Variants in FCRL2 observed in about 807,000 individuals in gnomAD.
The protein encoded by FCRL2 is Fc receptor like 2.
Under a neutral mutation model 59.8 loss-of-function variants are expected in FCRL2, and 48 were observed. That is an observed-to-expected ratio of 0.80 (90% confidence interval 0.64 to 1.02). FCRL2 has a LOEUF of 1.02. FCRL2 is among the 50% of genes least tolerant of loss of function. FCRL2 has a pLI of 0.00. For synonymous variants in FCRL2, 251 were observed against 229.5 expected (o/e 1.09, Z -0.85); for missense variants, 658 against 597.3 (o/e 1.10, Z -1.06).
intron 2 of FCRL2, 72 bp from the exon 3 acceptor site, chr1:157,770,738 G>A (rs868384805): frequency 6.5e-7 from 1 of 1,536,868 alleles, no homozygotes; most frequent in Middle Eastern, 1.7e-4. Context: ...TGGCAGTGAG[G>A]TGGTCTCAGG....
intron 5 of FCRL2, chr1:157,767,934 T>C (rs1365460489): frequency 6.5e-6 from 2 of 305,496 alleles, no homozygotes; most frequent in East Asian, 1.2e-4. Flanking sequence ...ACTATAGGAC[T>C]GGGTTAGAAT....
intron 7 of FCRL2, among the ~76,000 whole-genome samples, chr1:157,751,717 G>A (rs1016399489): frequency 2.0e-5 from 3 of 152,192 alleles, no homozygotes; most frequent in African/African-American, 7.2e-5. Context: ...CAAAATAAGG[G>A]TGGAGGGGAA....
At chr1:157,747,748 C>T (rs975979554) in intron 10 of FCRL2, among the ~76,000 whole-genome samples, 1 of 152,220 alleles carries the variant, frequency 6.6e-6, no homozygotes, top group Non-Finnish European at 1.5e-5. Flanking sequence ...CACTCCTCTG[C>T]ACTGCTGCAG....
rs377455239 is a variant in FCRL2, at chr1:157,770,632, G to T, written c.87C>A (p.Phe29Leu). Residue 29 changes from phenylalanine to leucine, a missense_variant, in exon 3 of 12, where the codon TTC (phenylalanine) becomes TTA (leucine). Transcript: ENST00000361516. ...SLTLVAPSSV[F>L]EGDSIVLKCQ... ...ATTTCAGAACGATGCTGTCTCCTTC[G>T]AAGACAGAAGAGGGCGCCACAAGGG... 150 of 1,614,098 alleles carry T rather than the reference G, an allele frequency of 9.3e-5. 1 individual carries two copies. Among genetic ancestry groups the T allele is most frequent in the Non-Finnish European group, 1.2e-4 (139 of 1,180,014 alleles).
At chr1:157,747,593 T>C (rs1456667239) in intron 10 of FCRL2, among the ~76,000 whole-genome samples, 1 of 152,184 alleles carries the variant, frequency 6.6e-6, no homozygotes, top group African/African-American at 2.4e-5. Context: ...AGTAGCTAGA[T>C]GACCACTGAC....
At chr1:157,755,381 G>A (rs1272704343) in intron 7 of FCRL2, among the ~76,000 whole-genome samples, 1 of 152,078 alleles carries the variant, frequency 6.6e-6, no homozygotes, top group Admixed American at 6.6e-5. Context: ...TTGTGTGGCT[G>A]GTGTGTTATA....
intron 4 of FCRL2, 124 bp downstream of exon 4, chr1:157,769,742 T>C (rs1163003329): frequency 8.5e-6 from 11 of 1,293,876 alleles, no homozygotes; most frequent in Non-Finnish European, 1.2e-5. Context: ...CTGGAGGGTT[T>C]TTCTAGCTTA....
chr1:157,757,831 G>A lies in FCRL2; in HGVS notation c.1280-8154C>T, dbSNP rs144032803. 9.4e-4 allele frequency among the ~76,000 whole-genome samples: 143 copies of A among 152,260 alleles called. 1 individual carries two copies. The East Asian group carries it at 0.022, about 24-fold the overall frequency. Reference sequence around the variant, plus strand: ...CAAAAAATTAGCCAGGCGTGGTGGCGGACGCCTGCAGTCCCAGCTACTGGG... The same window carrying A: ...CAAAAAATTAGCCAGGCGTGGTGGCAGACGCCTGCAGTCCCAGCTACTGGG... On this transcript the variant is annotated intron_variant, in intron 7 of 11. Transcript: ENST00000361516.
At chr1:157,768,922 A>G in intron 4 of FCRL2, 1 of 501,574 alleles carries the variant, frequency 2.0e-6, no homozygotes, top group Non-Finnish European at 3.5e-6. Flanking sequence ...ATGGGTAGTA[A>G]TATTTAAAGA....
At chr1:157,772,537 G>C (rs1251054344) in intron 2 of FCRL2, among the ~76,000 whole-genome samples, 1 of 152,188 alleles carries the variant, frequency 6.6e-6, no homozygotes, top group African/African-American at 2.4e-5. Context: ...AGGCCTGGAA[G>C]TGAACTTGCG....
chr1:157,767,927 A>G (rs1649651706), intron 5 of FCRL2: 1 of 331,850 alleles, frequency 3.0e-6, no homozygotes, highest in Non-Finnish European at 5.3e-6. Flanking sequence ...GTTCAGGACT[A>G]TAGGACTGGG....
chr1:157,773,509 C>T (rs1033949005), intron 2 of FCRL2, among the ~76,000 whole-genome samples: 1 of 152,188 alleles, frequency 6.6e-6, no homozygotes, highest in Non-Finnish European at 1.5e-5. Flanking sequence ...TGAAGTCAAA[C>T]CCTCTGAGAG....
Position 157,746,430 on chromosome 1 carries a change from G to A in FCRL2, c.*306C>T, listed in dbSNP as rs1386881046. On this transcript the variant is annotated 3_prime_UTR_variant, in exon 12 of 12. Transcript: ENST00000361516. ...TTCTCATCACTTCACAGTAGATGAA[G>A]GTGAGACCTTGTATCTCTTATTCAT... The A allele has an allele frequency of 1.8e-5, 8 of 455,186 alleles. No individual in the cohort carries two copies. Among genetic ancestry groups the A allele is most frequent in the African/African-American group, 9.8e-5 (5 of 51,102 alleles). 28.2% of individuals were successfully genotyped at this position (455,186 alleles called of 1,614,324 possible). A position where few individuals can be genotyped will look rare whatever the true frequency, so the allele number is the denominator to read the frequency against.
chr1:157,769,716 CG>C, intron 4 of FCRL2, 149 bp downstream of exon 4: 1 of 877,062 alleles, frequency 1.1e-6, no homozygotes, highest in Non-Finnish European at 1.7e-6. Flanking sequence ...CGTGAGCCAC[CG>C]CGCCCGGCCG....
At chr1:157,768,316 A>T (rs1649685831) in intron 5 of FCRL2, 98 bp downstream of exon 5, 17 of 1,299,594 alleles carry the variant, frequency 1.3e-5, no homozygotes, top group Middle Eastern at 1.9e-4. Context: ...TCTCCACAGC[A>T]CTAATCCCTG....
intron 2 of FCRL2, among the ~76,000 whole-genome samples, chr1:157,770,957 G>A (rs372349006): frequency 1.3e-5 from 2 of 152,332 alleles, no homozygotes; most frequent in African/African-American, 4.8e-5. Flanking sequence ...TTGTCAGGTT[G>A]TGATGACGGC....
At chr1:157,768,955 A>G (rs1399763208) in intron 4 of FCRL2, 2 of 392,556 alleles carry the variant, frequency 5.1e-6, no homozygotes, top group Non-Finnish European at 9.0e-6. Context: ...TCTCCATGAG[A>G]CAGGAAACTG....
At chr1:157,764,790 A>G (rs1649371944) in intron 7 of FCRL2, among the ~76,000 whole-genome samples, 1 of 152,346 alleles carries the variant, frequency 6.6e-6, no homozygotes, top group East Asian at 1.9e-4. Flanking sequence ...TTGAAACGTA[A>G]CATACTAAAA....
At chr1:157,761,376 G>T (rs1649092589) in intron 7 of FCRL2, among the ~76,000 whole-genome samples, 1 of 152,198 alleles carries the variant, frequency 6.6e-6, no homozygotes, top group Non-Finnish European at 1.5e-5. Flanking sequence ...ATCACTTTGG[G>T]AGGCTGAGTC....
Sources: gnomAD v4.1 joint callset for allele counts (sites outside exome capture counted in the v4.1 genomes callset) on GRCh38, gnomAD v4.1.1 for gene constraint, MANE v1.5 for transcripts, NCBI Gene and HGNC (gene_info 2026-07-23, HGNC 2026-07-21) for gene names.